Variants in CABLES1 observed in about 807,000 individuals in gnomAD.
CABLES1 encodes the protein CDK5 and ABL1 enzyme substrate 1.
A neutral mutation model predicts 57.8 loss-of-function variants in CABLES1; 36 were observed. The ratio of observed to expected loss-of-function variants is 0.62; its 90% CI spans 0.48 to 0.82. The LOEUF (loss-of-function observed/expected upper bound fraction) is 0.82. Ranked by LOEUF, CABLES1 falls within the 40% of genes least tolerant of loss-of-function variation. The pLI is 0.00. For synonymous variants in CABLES1, 374 were observed against 363.0 expected (o/e 1.03, Z -0.35); for missense variants, 767 against 836.6 (o/e 0.92, Z 1.03).
chr18:23,216,678 C>T (rs1271420871), intron 4 of CABLES1, among the ~76,000 whole-genome samples: 1 of 152,232 alleles, frequency 6.6e-6, no homozygotes, highest in Non-Finnish European at 1.5e-5. Context: ...AAGATAACGA[C>T]ATTTCTGCAA....
chr18:23,208,359 A>G (rs556408582), intron 3 of CABLES1, among the ~76,000 whole-genome samples: 1 of 152,272 alleles, frequency 6.6e-6, no homozygotes, highest in South Asian at 2.1e-4. Context: ...TAGAGTAAAC[A>G]AGAACATTTT....
intron 7 of CABLES1, among the ~76,000 whole-genome samples, chr18:23,238,823 T>C (rs979473468): frequency 6.6e-6 from 1 of 152,214 alleles, no homozygotes; most frequent in Non-Finnish European, 1.5e-5. Flanking sequence ...TCGAGGCTGT[T>C]TTCACGTTGC....
chr18:23,237,037 C>T (rs889922915), intron 6 of CABLES1, 105 bp from the exon 7 acceptor site: 3 of 757,368 alleles, frequency 4.0e-6, no homozygotes, highest in Non-Finnish European at 4.8e-6. Context: ...GCCCTAAAGC[C>T]AGCCTTTCTT....
chr18:23,253,517 C>A (rs58952153), intron 8 of CABLES1, among the ~76,000 whole-genome samples: 2 of 152,062 alleles, frequency 1.3e-5, no homozygotes, highest in Non-Finnish European at 2.9e-5. Context: ...ATGTTTTATA[C>A]GACCTGACCA....
rs139603452 is a variant in CABLES1 at position 23,200,416 on chromosome 18, T to A, written c.1010+5876T>A. Among the ~76,000 whole-genome samples, 65 of 152,148 alleles carry A rather than the reference T, an allele frequency of 4.3e-4. No individual in the cohort carries two copies. The East Asian group carries it at 5.8e-3, about 14-fold the overall frequency. On this transcript the variant is annotated intron_variant, in intron 3 of 9. Coordinates refer to ENST00000256925, the MANE Select transcript of CABLES1 (RefSeq NM_001100619.3). Reference sequence around the variant, plus strand: ...CTGGGACTACAGGCACCCGCCACCATGCCCAGCTAATTTTTTTATACTTTT... The same window carrying A: ...CTGGGACTACAGGCACCCGCCACCAAGCCCAGCTAATTTTTTTATACTTTT...
At chr18:23,158,402 C>G (rs2046979797) in intron 1 of CABLES1, among the ~76,000 whole-genome samples, 1 of 152,104 alleles carries the variant, frequency 6.6e-6, no homozygotes, top group African/African-American at 2.4e-5. Context: ...GCGTGTAGAC[C>G]TTCTGTGTGT....
intron 2 of CABLES1, 132 bp downstream of exon 2, chr18:23,189,041 A>G (rs1012761356): frequency 3.0e-4 from 190 of 628,722 alleles, no homozygotes; most frequent in Non-Finnish European, 2.8e-5. Context: ...GGACTATGGG[A>G]CATCTCCTAG....
At position 23,257,602 on chromosome 18, in the gene CABLES1, A is replaced by G. The variant is rs527516414; in HGVS notation, c.*235A>G. ...GGAAGAGGAGGTGTGTGCTGAGAAC[A>G]GAGAGGCCCTGCCCTCTGTCCACTA... is the stretch of plus-strand genomic sequence containing the variant. On this transcript the variant is annotated 3_prime_UTR_variant, in exon 10 of 10. Transcript: ENST00000256925. 3 of 445,762 alleles carry G rather than the reference A, an allele frequency of 6.7e-6. No homozygotes were observed. The highest frequency in any genetic ancestry group is 4.1e-5 in the East Asian group (1 of 24,516). 27.6% of individuals were successfully genotyped at this position (445,762 alleles called of 1,614,324 possible).
intron 9 of CABLES1, among the ~76,000 whole-genome samples, chr18:23,256,229 C>T (rs1335594200): frequency 6.6e-6 from 1 of 152,238 alleles, no homozygotes; most frequent in African/African-American, 2.4e-5. Context: ...ACATGAGGCC[C>T]TCCCTGTCCA....
intron 1 of CABLES1, among the ~76,000 whole-genome samples, chr18:23,150,226 T>TTTG (rs2046919451): frequency 1.3e-5 from 2 of 148,614 alleles, no homozygotes; most frequent in African/African-American, 5.0e-5. Context: ...TTTTTTTTTT[T>TTTG]GAGACGGAGT....
intron 3 of CABLES1, 86 bp downstream of exon 3, chr18:23,194,626 C>G: frequency 8.3e-6 from 7 of 839,286 alleles, no homozygotes; most frequent in Non-Finnish European, 1.4e-5. Flanking sequence ...GGCCAAAACT[C>G]AGCAAACGCA....
intron 3 of CABLES1, among the ~76,000 whole-genome samples, chr18:23,200,465 T>A (rs900773762): frequency 1.1e-4 from 16 of 152,154 alleles, no homozygotes; most frequent in African/African-American, 3.9e-4. Flanking sequence ...GGTTTCACCA[T>A]GTTAGCCAGG....
chr18:23,223,920 A>G (rs1037611727), intron 4 of CABLES1, among the ~76,000 whole-genome samples: 3 of 151,838 alleles, frequency 2.0e-5, no homozygotes, highest in Non-Finnish European at 2.9e-5. Context: ...CCCACTAATC[A>G]TTACCAGGGA....
chr18:23,198,706 G>T (rs181385657), intron 3 of CABLES1, among the ~76,000 whole-genome samples: 4 of 152,322 alleles, frequency 2.6e-5, no homozygotes, highest in Admixed American at 2.6e-4. Context: ...GGTAGAGGAT[G>T]GAGCCATAAA....
intron 1 of CABLES1, among the ~76,000 whole-genome samples, chr18:23,156,914 A>G (rs1363679003): frequency 1.3e-5 from 2 of 152,208 alleles, no homozygotes; most frequent in Non-Finnish European, 2.9e-5. Flanking sequence ...TGCAAAAAAT[A>G]TGGCACTAAA....
Position 23,234,625 on chromosome 18 carries a change from G to C in CABLES1, c.1106G>C (p.Gly369Ala). Residue 369 changes from glycine to alanine, a missense_variant, in exon 5 of 10, where the codon GGA becomes GCA. Coordinates refer to ENST00000256925, the MANE Select transcript of CABLES1 (RefSeq NM_001100619.3). Reference protein sequence around the residue: ...STQVGDLKLDGGRQSTGAVSL... With the variant: ...STQVGDLKLDAGRQSTGAVSL... The stretch of plus-strand genomic sequence containing the variant: ...CCTCCCAGGGACTTGAAGTTGGACG[G>C]AGGAAGACAATCAACTGGTGCAGTG... 6.2e-7 allele frequency: 1 copy of C among 1,613,920 alleles called. No individual in the cohort carries two copies. Among genetic ancestry groups the C allele is most frequent in the South Asian group, 1.1e-5 (1 of 91,056 alleles).
At chr18:23,204,337 A>G (rs2047347284) in intron 3 of CABLES1, 2 of 152,212 alleles carry the variant, frequency 1.3e-5, no homozygotes, top group Middle Eastern at 3.2e-3. Context: ...CTTTTGAGAT[A>G]AATGATTTTC....
chr18:23,158,265 G>A (rs1197096324), intron 1 of CABLES1, among the ~76,000 whole-genome samples: 2 of 152,158 alleles, frequency 1.3e-5, no homozygotes, highest in East Asian at 3.8e-4. Flanking sequence ...TTGCATCACT[G>A]CATTCCACCC....
chr18:23,176,585 A>C (rs538160880), intron 1 of CABLES1, among the ~76,000 whole-genome samples: 23 of 152,138 alleles, frequency 1.5e-4, no homozygotes, highest in Non-Finnish European at 2.9e-4. Flanking sequence ...GAGAATAAAC[A>C]TGGGTAGCCA....
Sources: gnomAD v4.1 joint callset for allele counts (sites outside exome capture counted in the v4.1 genomes callset) on GRCh38, gnomAD v4.1.1 for gene constraint, MANE v1.5 for transcripts, NCBI Gene and HGNC (gene_info 2026-07-23, HGNC 2026-07-21) for gene names.